Variants in SECISBP2 observed in about 807,000 individuals in gnomAD.
SECISBP2 encodes the protein SECIS binding protein 2.
A neutral mutation model predicts 98.2 loss-of-function variants in SECISBP2; 96 were observed. The observed-to-expected ratio is 0.98, with a 90% CI of 0.83 to 1.16. SECISBP2 has a LOEUF of 1.16. Among genes scored for constraint, SECISBP2 ranks in the 50% most tolerant of loss-of-function variants. The pLI is 0.00. For missense variants in SECISBP2, 1,046 were observed against 1,022.9 expected, an observed-to-expected ratio of 1.02 and a Z score of -0.31; for synonymous variants, 407 against 370.2, an observed-to-expected ratio of 1.10 and a Z score of -1.14.
chr9:89,356,458 T>G (rs1832088371), intron 14 of SECISBP2: 1 of 152,298 alleles, frequency 6.6e-6, no homozygotes, highest in Non-Finnish European at 1.5e-5. Context: ...TCAGATTTTC[T>G]GTTGCGGGGA....
At chr9:89,326,920 T>C (rs1826804797) in intron 4 of SECISBP2, among the ~76,000 whole-genome samples, 1 of 152,202 alleles carries the variant, frequency 6.6e-6, no homozygotes, top group African/African-American at 2.4e-5. Context: ...CCCAGCACTT[T>C]GGGAGTCCGA....
intron 13 of SECISBP2, 70 bp downstream of exon 13, chr9:89,349,999 T>C (rs937383536): frequency 2.7e-5 from 42 of 1,565,934 alleles, no homozygotes; most frequent in African/African-American, 5.4e-5. Context: ...GGCATTGATA[T>C]CTCCCATAAA....
Position 89,325,492 on chromosome 9 carries a change from C to G in SECISBP2, c.248C>G (p.Ser83Cys). Residue 83 changes from serine (S) to cysteine (C), a missense_variant, in exon 3 of 17, where the codon TCT (serine) becomes TGT (cysteine). By Grantham distance (112) the Ser-to-Cys change is moderately radical (BLOSUM62 -1). Transcript: ENST00000375807. ...ASTFPPQYLSSEITLHPYAYS... is the reference protein window; with the variant it reads ...ASTFPPQYLSCEITLHPYAYS... ...ACTTTTCCACCTCAGTATTTATCTT[C>G]TGAGATAACTCTTCATCCATATGCC... 5.0e-6 allele frequency: 8 copies of G among 1,613,396 alleles called. No homozygotes were observed. Among genetic ancestry groups the G allele is most frequent in the Non-Finnish European group, 6.8e-6 (8 of 1,179,478 alleles).
chr9:89,340,091 AC>A, intron 9 of SECISBP2, 138 bp downstream of exon 9: 1 of 663,814 alleles, frequency 1.5e-6, no homozygotes, highest in Non-Finnish European at 2.8e-6. Context: ...TCATGAGAGA[AC>A]TGCACCCAGC....
the SECISBP2 span, among the ~76,000 whole-genome samples, chr9:89,366,366 A>AT: frequency 6.6e-6 from 1 of 152,166 alleles, no homozygotes; most frequent in African/African-American, 2.4e-5. Flanking sequence ...TATAATAATA[A>AT]TTTTTTATAA....
Position 89,325,956 on chromosome 9 carries a change from T to A in SECISBP2, c.492T>A (p.Ala164=), listed in dbSNP as rs780220651. Residue 164 remains alanine (A), a synonymous_variant, in exon 4 of 17, where the codon GCT becomes GCA. Coordinates refer to ENST00000375807, the MANE Select transcript of SECISBP2 (RefSeq NM_024077.5). ...AGCAAAAGTTTGACAGTGAAAGGGC[T>A]GATGGAACTATATCATCTGAGATAA... is the stretch of plus-strand genomic sequence containing the variant. ...YDQQKFDSER[A]DGTISSEIKS... is the part of the protein sequence containing the mutation. 1.2e-5 allele frequency: 20 copies of A among 1,614,060 alleles called. No homozygotes were observed. Among genetic ancestry groups the A allele is most frequent in the Non-Finnish European group, 1.7e-5 (20 of 1,179,968 alleles).
In SECISBP2 at chr9:89,328,827, GTC is replaced by G. The variant is rs773002743; in HGVS notation, c.746_747del (p.Ser249TyrfsTer20). ...KQPKWGPVHS[V>X]STDISLLREV... ...ACCCAAGTGGGGACCTGTCCACTCT[GTC>G]TCTACCGACATTTCTCTTCTAAGAG... On this transcript the variant is annotated frameshift_variant, in exon 5 of 17. Transcript: ENST00000375807. LOFTEE classifies it high-confidence loss of function. 9 of 1,614,228 alleles carry G rather than the reference GTC, an allele frequency of 5.6e-6. No homozygotes were observed. Among genetic ancestry groups the G allele is most frequent in the Non-Finnish European group, 6.8e-6 (8 of 1,180,038 alleles).
At chr9:89,343,318 T>G (rs1829933562) in intron 10 of SECISBP2, among the ~76,000 whole-genome samples, 1 of 152,228 alleles carries the variant, frequency 6.6e-6, no homozygotes, top group South Asian at 2.1e-4. Flanking sequence ...CAAAAAACTC[T>G]ACTTTTTTTT....
intron 16 of SECISBP2, 41 bp from the exon 17 acceptor site, chr9:89,358,680 G>C: frequency 7.4e-7 from 1 of 1,345,240 alleles, no homozygotes; most frequent in Non-Finnish European, 1.1e-6. Context: ...TTTCCTACTT[G>C]TTGATGCCTA....
intron 6 of SECISBP2, chr9:89,334,077 A>T: frequency 8.9e-7 from 1 of 1,120,820 alleles, no homozygotes; most frequent in Non-Finnish European, 1.1e-6. Flanking sequence ...CCTCTGTTCT[A>T]AAAGAAATAA....
At chr9:89,350,877 A>T in intron 14 of SECISBP2, 25 bp downstream of exon 14, 1 of 1,596,936 alleles carries the variant, frequency 6.3e-7, no homozygotes, top group Non-Finnish European at 8.6e-7. Context: ...TGGTCCTGTG[A>T]TATGTGGGCC....
intron 10 of SECISBP2, among the ~76,000 whole-genome samples, chr9:89,346,452 A>AG (rs1182345144): frequency 6.6e-6 from 1 of 152,208 alleles, no homozygotes; most frequent in Admixed American, 6.5e-5. Flanking sequence ...GGAAACCAAT[A>AG]GGGCCAGCTT....
intron 12 of SECISBP2, among the ~76,000 whole-genome samples, chr9:89,349,196 T>G (rs552096420): frequency 3.8e-4 from 58 of 152,322 alleles, no homozygotes; most frequent in Middle Eastern, 3.4e-3. Context: ...CATTCCTTCA[T>G]TTGGTGATCT....
chr9:89,362,021 C>T (rs144673712), downstream of SECISBP2: 612 of 358,748 alleles, frequency 1.7e-3, no homozygotes, highest in African/African-American at 9.1e-3. Flanking sequence ...GTCACTGGGA[C>T]GGTGTAGGAT....
chr9:89,363,479 G>A, downstream of SECISBP2: 1 of 1,614,060 alleles, frequency 6.2e-7, no homozygotes, highest in African/African-American at 1.3e-5. Flanking sequence ...CCCAGCCACA[G>A]CCCTCCAGGC....
chr9:89,350,029 CTG>C (rs1244088565), intron 13 of SECISBP2, 100 bp downstream of exon 13: 4 of 1,424,562 alleles, frequency 2.8e-6, no homozygotes, highest in Admixed American at 1.8e-5. Flanking sequence ...CTGGGCCACA[CTG>C]TGCTTTAAAA....
At chr9:89,358,447 T>C (rs1450036227) in intron 16 of SECISBP2, among the ~76,000 whole-genome samples, 1 of 151,006 alleles carries the variant, frequency 6.6e-6, no homozygotes, top group East Asian at 2.0e-4. Flanking sequence ...CAAGACAGGC[T>C]TGGAAGGCCA....
intron 7 of SECISBP2, among the ~76,000 whole-genome samples, chr9:89,337,445 C>A (rs924191030): frequency 3.9e-5 from 6 of 152,182 alleles, no homozygotes; most frequent in Non-Finnish European, 8.8e-5. Context: ...TGATGCCTAC[C>A]TTCAGAGAAA....
chr9:89,327,110 C>G (rs531620618), intron 4 of SECISBP2, among the ~76,000 whole-genome samples: 1 of 151,236 alleles, frequency 6.6e-6, no homozygotes, highest in African/African-American at 2.4e-5. Flanking sequence ...TGCAGTGAGC[C>G]GAGATCAAGC....
Sources: allele counts gnomAD v4.1 joint callset (sites outside exome capture counted in the v4.1 genomes callset), GRCh38; gene constraint gnomAD v4.1.1; transcripts MANE v1.5; gene names NCBI Gene and HGNC (gene_info 2026-07-23, HGNC 2026-07-21).